The following DLGAP2 variants were observed in gnomAD, a reference collection of about 807,000 sequenced individuals.
DLGAP2 encodes disks large-associated protein 2.
DLGAP2 carries 26 observed loss-of-function variants against 100.3 expected under a neutral mutation model. That is an observed-to-expected ratio of 0.26 (90% CI 0.19 to 0.36). The LOEUF (loss-of-function observed/expected upper bound fraction) is 0.36. Ranked by LOEUF, DLGAP2 falls within the 10% of genes least tolerant of loss-of-function variation. DLGAP2 has a pLI of 1.00. For missense variants in DLGAP2, 1,858 were observed against 1,453.2 expected, an observed-to-expected ratio of 1.28 and a Z score of -4.53; for synonymous variants, 886 against 630.1, an observed-to-expected ratio of 1.41 and a Z score of -6.08.
chr8:808,351 G>A (rs1796307519), intron 1 of DLGAP2, among the ~76,000 whole-genome samples: 2 of 152,230 alleles, frequency 1.3e-5, no homozygotes. Flanking sequence ...GATGCCTGAA[G>A]TTCGTGGTGT....
At chr8:1,143,383 G>C (rs943265604) in intron 2 of DLGAP2, among the ~76,000 whole-genome samples, 3 of 152,284 alleles carry the variant, frequency 2.0e-5, no homozygotes, top group Non-Finnish European at 2.9e-5. Flanking sequence ...TCACCACTCT[G>C]AGTATCTCCC....
chr8:770,556 A>G (rs1821329810), intron 1 of DLGAP2, among the ~76,000 whole-genome samples: 1 of 152,152 alleles, frequency 6.6e-6, no homozygotes, highest in Non-Finnish European at 1.5e-5. Context: ...TGATTTCTGT[A>G]ATTCACTTGG....
intron 2 of DLGAP2, among the ~76,000 whole-genome samples, chr8:1,088,683 A>G (rs1348492258): frequency 4.1e-4 from 43 of 104,802 alleles, no homozygotes; most frequent in Middle Eastern, 7.5e-3. Context: ...TGCAATTCTC[A>G]CTCCCCAGTC....
intron 4 of DLGAP2, among the ~76,000 whole-genome samples, chr8:1,516,617 CAG>C (rs1030653660): frequency 9.4e-6 from 1 of 106,238 alleles, no homozygotes; most frequent in African/African-American, 3.6e-5. Context: ...GTGAGTGAAT[CAG>C]GGAGGGAAGG....
chr8:1,250,009 T>G lies in DLGAP2; in HGVS notation c.74-8842T>G, dbSNP rs553716092. Among the ~76,000 whole-genome samples, 159 of 152,212 alleles carry G rather than the reference T, an allele frequency of 1.0e-3. 1 individual carries two copies. The highest frequency in any genetic ancestry group is 2.0e-3 in the Non-Finnish European group (139 of 68,016). On this transcript the variant is annotated intron_variant, in intron 2 of 14. Coordinates refer to ENST00000637795, the MANE Select transcript of DLGAP2 (RefSeq NM_001346810.2). ...GATTGTTCTGCCTCAGCCTCCCGAG[T>G]AGCTGAGACTACAGGTGCATGCTGC...
chr8:1,429,996 G>GTATATATATATATATATATA (rs1797366228), intron 3 of DLGAP2, among the ~76,000 whole-genome samples: 1 of 2,668 alleles, frequency 3.7e-4, no homozygotes, highest in Non-Finnish European at 1.5e-3. Flanking sequence ...GGGGAGAGAT[G>GTATATATATATATATATATA]CATATATATA....
At chr8:1,015,145 G>GTA (rs1801420668) in intron 2 of DLGAP2, among the ~76,000 whole-genome samples, 1 of 21,894 alleles carries the variant, frequency 4.6e-5, no homozygotes, top group African/African-American at 3.5e-4. Context: ...TCCACTGTGT[G>GTA]TGTGACCAGG....
At chr8:830,667 T>C (rs1296399625) in intron 1 of DLGAP2, among the ~76,000 whole-genome samples, 1 of 152,176 alleles carries the variant, frequency 6.6e-6, no homozygotes, top group Non-Finnish European at 1.5e-5. Context: ...ATGCATTGCA[T>C]GGTCTATTTT....
At chr8:1,099,987 T>C (rs948517784) in intron 2 of DLGAP2, among the ~76,000 whole-genome samples, 1 of 152,234 alleles carries the variant, frequency 6.6e-6, no homozygotes, top group African/African-American at 2.4e-5. Context: ...TCTGAAAATA[T>C]TAAATGGAAA....
intron 6 of DLGAP2, among the ~76,000 whole-genome samples, chr8:1,585,586 T>C (rs951020267): frequency 2.0e-5 from 3 of 152,344 alleles, no homozygotes; most frequent in Admixed American, 6.5e-5. Flanking sequence ...AGCTTTTCTT[T>C]TTTTAACCCA....
intron 2 of DLGAP2, among the ~76,000 whole-genome samples, chr8:1,220,272 G>A (rs1265764470): frequency 1.3e-5 from 2 of 152,084 alleles, no homozygotes; most frequent in African/African-American, 2.4e-5. Flanking sequence ...TCTTAACACT[G>A]CTTTACCTGT....
At chr8:1,620,953 C>T (rs1157792070) in intron 6 of DLGAP2, among the ~76,000 whole-genome samples, 6 of 152,210 alleles carry the variant, frequency 3.9e-5, no homozygotes, top group Admixed American at 3.9e-4. Context: ...ACCCTCTGCT[C>T]TCCAGACAAA....
chr8:809,419 T>A (rs1312863989), intron 1 of DLGAP2, among the ~76,000 whole-genome samples: 1 of 151,944 alleles, frequency 6.6e-6, no homozygotes, highest in Non-Finnish European at 1.5e-5. Flanking sequence ...AAATACGTCA[T>A]CAGTAACGTG....
chr8:946,523 A>C (rs766084365), intron 2 of DLGAP2, among the ~76,000 whole-genome samples: 1 of 151,928 alleles, frequency 6.6e-6, no homozygotes, highest in Non-Finnish European at 1.5e-5. Context: ...TTGGCCTCCC[A>C]AAGTGCTGGG....
At chr8:1,425,059 AT>A (rs869070550) in intron 3 of DLGAP2, among the ~76,000 whole-genome samples, 1 of 152,198 alleles carries the variant, frequency 6.6e-6, no homozygotes, top group Admixed American at 6.5e-5. Flanking sequence ...CATTTAAAAA[AT>A]TTTTTGCACT....
intron 1 of DLGAP2, among the ~76,000 whole-genome samples, chr8:802,689 A>G (rs1036429778): frequency 1.1e-4 from 16 of 152,046 alleles, no homozygotes; most frequent in African/African-American, 3.6e-4. Flanking sequence ...GCCGCCCTGC[A>G]TGGAATTTTA....
chr8:1,339,493 C>G (rs1801370901), intron 3 of DLGAP2, among the ~76,000 whole-genome samples: 1 of 152,230 alleles, frequency 6.6e-6, no homozygotes, highest in African/African-American at 2.4e-5. Flanking sequence ...GAGCTCCATT[C>G]TGGAACCGCA....
chr8:1,521,859 G>A (rs573844485), intron 4 of DLGAP2, among the ~76,000 whole-genome samples: 162 of 150,814 alleles, frequency 1.1e-3, no homozygotes, highest in African/African-American at 3.7e-3. Context: ...GGTGATTTGG[G>A]GCGTCTCTGG....
intron 1 of DLGAP2, among the ~76,000 whole-genome samples, chr8:742,551 C>G (rs570080495): frequency 2.0e-5 from 3 of 152,332 alleles, no homozygotes; most frequent in South Asian, 2.1e-4. Flanking sequence ...CTCTGTCACC[C>G]AGGCGGGAGT....
Sources: allele counts gnomAD v4.1 joint callset (sites outside exome capture counted in the v4.1 genomes callset), GRCh38; gene constraint gnomAD v4.1.1; transcripts MANE v1.5; gene names NCBI Gene and HGNC (gene_info 2026-07-23, HGNC 2026-07-21).